The following CNOT4 variants were observed in gnomAD, a reference collection of about 807,000 sequenced individuals.
CNOT4 encodes CCR4-NOT transcription complex subunit 4, also known as CCR4-associated factor 4.
A neutral mutation model predicts 73.8 loss-of-function variants in CNOT4; 8 were observed. That is an observed-to-expected ratio of 0.11 (90% CI 0.06 to 0.20). The LOEUF is 0.20. CNOT4 is among the 10% of genes least tolerant of loss of function. The pLI is 1.00. For synonymous variants in CNOT4, 293 were observed against 321.1 expected, an observed-to-expected ratio of 0.91 and a Z score of 0.94; for missense variants, 564 against 883.4, an observed-to-expected ratio of 0.64 and a Z score of 4.58.
At chr7:135,491,285 C>T (rs543454305) in intron 1 of CNOT4, among the ~76,000 whole-genome samples, 10 of 152,228 alleles carry the variant, frequency 6.6e-5, no homozygotes, top group Admixed American at 2.0e-4. Flanking sequence ...ACAGAGATTG[C>T]TAAGGGAATG....
intron 10 of CNOT4, among the ~76,000 whole-genome samples, chr7:135,382,930 C>T (rs1360466766): frequency 1.3e-5 from 2 of 152,118 alleles, no homozygotes; most frequent in East Asian, 1.9e-4. Context: ...GTATCTTCAC[C>T]CTGCTCTACT....
intron 1 of CNOT4, among the ~76,000 whole-genome samples, chr7:135,459,915 G>A (rs540352406): frequency 2.0e-5 from 3 of 152,272 alleles, no homozygotes; most frequent in South Asian, 2.1e-4. Context: ...TAGATCTTCT[G>A]GACAACTGAC....
chr7:135,469,531 T>C (rs1209632590), intron 1 of CNOT4, among the ~76,000 whole-genome samples: 2 of 152,142 alleles, frequency 1.3e-5, no homozygotes, highest in African/African-American at 2.4e-5. Context: ...TTTGATGGTT[T>C]TATTCTCCTA....
At chr7:135,420,282 AAAGTAGATT>A (rs1210888531) in intron 3 of CNOT4, among the ~76,000 whole-genome samples, 9 of 151,950 alleles carry the variant, frequency 5.9e-5, no homozygotes, top group African/African-American at 2.2e-4. Flanking sequence ...CAGAAACGTG[AAAGTAGATT>A]CTAGGTTGGG....
chr7:135,469,699 G>C (rs1801453169), intron 1 of CNOT4, among the ~76,000 whole-genome samples: 1 of 152,054 alleles, frequency 6.6e-6, no homozygotes, highest in Admixed American at 6.5e-5. Context: ...TTCCTATATG[G>C]CCTAGCAATT....
intron 1 of CNOT4, among the ~76,000 whole-genome samples, chr7:135,448,706 C>T (rs1799983778): frequency 6.6e-6 from 1 of 151,962 alleles, no homozygotes; most frequent in Admixed American, 6.6e-5. Flanking sequence ...ACCATAATTG[C>T]AGAAGGAAGG....
intron 1 of CNOT4, among the ~76,000 whole-genome samples, chr7:135,475,861 T>G (rs1801958003): frequency 6.6e-6 from 1 of 152,130 alleles, no homozygotes; most frequent in African/African-American, 2.4e-5. Context: ...CAGTGAGCTA[T>G]GTTCACGCCA....
At chr7:135,455,344 C>G (rs1235062873) in intron 1 of CNOT4, among the ~76,000 whole-genome samples, 1 of 151,344 alleles carries the variant, frequency 6.6e-6, no homozygotes, top group Non-Finnish European at 1.5e-5. Flanking sequence ...ACCAATTCAA[C>G]CAACTCAAAG....
At position 135,447,198 on chromosome 7, in the gene CNOT4, TTTC is replaced by T. The variant is rs1461043267; in HGVS notation, c.-92-8778_-92-8776del. On this transcript the variant is annotated intron_variant, in intron 1 of 11. Transcript: ENST00000541284. ...GTCCATTGTTTCTGTATTAGACACA[TTTC>T]ACAAAGCATGTTATTTACATAAACT... Among the ~76,000 whole-genome samples the T allele has an allele frequency of 2.1e-4, 22 of 106,694 alleles. 5 individuals are homozygous for T. The highest frequency in any genetic ancestry group is 4.1e-4 in the Non-Finnish European group (17 of 41,194). The allele number at this position is 106,694 out of a possible 152,430, so 70.0% of individuals were successfully genotyped here. A position where few individuals can be genotyped will look rare whatever the true frequency, so the allele number is the denominator to read the frequency against.
In CNOT4 at chr7:135,363,886, G is replaced by A; in HGVS notation, c.1808C>T (p.Pro603Leu). ...ATTDSLSWDS[P>L]GSWTDPAIIT... ...GATGGCTGGGTCTGTCCAGCTGCCA[G>A]GGCTGTCCCAACTCAGGCTGTCGGT... is the stretch of plus-strand genomic sequence containing the variant. Residue 603 changes from proline (P) to leucine (L), a missense_variant, in exon 11 of 12, where the codon CCT becomes CTT. Coordinates refer to ENST00000541284, the MANE Select transcript of CNOT4 (RefSeq NM_001190850.2). This position sits in a 1 kb window ranked among gnomAD's most constrained non-coding sequence, Gnocchi z 4.3. 6.3e-7 allele frequency: 1 copy of A among 1,598,218 alleles called. No individual in the cohort carries two copies. The highest frequency in any genetic ancestry group is 8.5e-7 in the Non-Finnish European group (1 of 1,179,632).
chr7:135,404,667 T>C lies in CNOT4; in HGVS notation c.821+5848A>G, dbSNP rs183875305. ...TGCTGAACTAATAAGGTACTCTGAC[T>C]ATACCTTCAGTCTATCAGAGATTAT... On this transcript the variant is annotated intron_variant, in intron 7 of 11. Coordinates refer to ENST00000541284, the MANE Select transcript of CNOT4 (RefSeq NM_001190850.2). Among the ~76,000 whole-genome samples the C allele has an allele frequency of 3.6e-3, 553 of 152,306 alleles. 2 individuals carry two copies. The highest frequency in any genetic ancestry group is 0.013 in the African/African-American group (522 of 41,572).
chr7:135,482,452 A>G (rs540230287), intron 1 of CNOT4, among the ~76,000 whole-genome samples: 1 of 152,056 alleles, frequency 6.6e-6, no homozygotes, highest in Admixed American at 6.6e-5. Context: ...GCCACTCAGG[A>G]GGCTAAAGTG....
intron 1 of CNOT4, among the ~76,000 whole-genome samples, chr7:135,504,475 T>TAGTAGAGA (rs1254250435): frequency 1.6e-4 from 11 of 69,482 alleles, no homozygotes; most frequent in Middle Eastern, 7.6e-3. Context: ...TTTTTTTTTT[T>TAGTAGAGA]TTTTTTTTTT....
intron 10 of CNOT4, chr7:135,388,566 C>CTCAT: frequency 8.9e-7 from 1 of 1,127,572 alleles, no homozygotes; most frequent in Non-Finnish European, 1.1e-6. Flanking sequence ...AATAGTATCA[C>CTCAT]TCATGAGAAA....
chr7:135,367,395 T>C (rs942268286), intron 10 of CNOT4, among the ~76,000 whole-genome samples: 3 of 152,158 alleles, frequency 2.0e-5, no homozygotes, highest in Admixed American at 6.5e-5. Context: ...AGAGAAAACA[T>C]TGTAGATAGG....
chr7:135,498,017 A>G (rs1201585300), intron 1 of CNOT4, among the ~76,000 whole-genome samples: 1 of 152,200 alleles, frequency 6.6e-6, no homozygotes. Flanking sequence ...ATATACATTA[A>G]CCCATTTATT....
At chr7:135,430,378 C>G (rs934826003) in intron 2 of CNOT4, among the ~76,000 whole-genome samples, 8 of 152,124 alleles carry the variant, frequency 5.3e-5, no homozygotes, top group Non-Finnish European at 1.2e-4. Context: ...TGGTTCGTGC[C>G]TATAATCCCA....
chr7:135,442,294 T>C lies in CNOT4; in HGVS notation c.-92-3871A>G, dbSNP rs539432024. 3.9e-5 allele frequency among the ~76,000 whole-genome samples: 6 copies of C among 152,302 alleles called. No homozygotes were observed. The South Asian group carries it at 1.2e-3, about 32-fold the overall frequency. On this transcript the variant is annotated intron_variant, in intron 1 of 11. Coordinates refer to ENST00000541284, the MANE Select transcript of CNOT4 (RefSeq NM_001190850.2). ...TTTACTTAATAAGCCAGACAACTAATATTAAAATTAAAACTAAACAGGGCG... is the reference window on the plus strand; with the variant it reads ...TTTACTTAATAAGCCAGACAACTAACATTAAAATTAAAACTAAACAGGGCG...
At chr7:135,407,616 A>G (rs1018329535) in intron 7 of CNOT4, among the ~76,000 whole-genome samples, 9 of 152,228 alleles carry the variant, frequency 5.9e-5, no homozygotes, top group African/African-American at 2.2e-4. Flanking sequence ...CAATACAATA[A>G]AACAGGAAAA....
Sources: allele counts gnomAD v4.1 joint callset (sites outside exome capture counted in the v4.1 genomes callset), GRCh38; gene constraint gnomAD v4.1.1; non-coding constraint Gnocchi (gnomAD v3.1); transcripts MANE v1.5; gene names NCBI Gene and HGNC (gene_info 2026-07-23, HGNC 2026-07-21).